The following NPSR1 variants were observed in gnomAD, a reference collection of about 807,000 sequenced individuals.
NPSR1 encodes the protein neuropeptide S receptor.
A neutral mutation model predicts 46.9 loss-of-function variants in NPSR1; 48 were observed. That is an observed-to-expected ratio of 1.02 (90% CI 0.81 to 1.30). NPSR1 has a LOEUF of 1.30. NPSR1 is among the 50% of genes most tolerant of loss of function. The probability of loss-of-function intolerance (pLI) is 0.00; values close to 1 mark genes in which losing one functional copy is unlikely to be tolerated. For synonymous variants in NPSR1, 176 were observed against 168.1 expected, an observed-to-expected ratio of 1.05 and a Z score of -0.36; for missense variants, 450 against 449.5, an observed-to-expected ratio of 1.00 and a Z score of -0.01.
intron 2 of NPSR1, among the ~76,000 whole-genome samples, chr7:34,743,775 G>T (rs1176294617): frequency 6.6e-6 from 1 of 152,078 alleles, no homozygotes; most frequent in Admixed American, 6.5e-5. Flanking sequence ...TTGGGCAACT[G>T]TTACTTAGAA....
intron 2 of NPSR1, among the ~76,000 whole-genome samples, chr7:34,752,785 A>G (rs1785606113): frequency 6.6e-6 from 1 of 152,136 alleles, no homozygotes; most frequent in Non-Finnish European, 1.5e-5. Context: ...CTTTGCACAC[A>G]CTGCTCTCTC....
At chr7:34,663,700 C>T (rs569543867) in intron 1 of NPSR1, among the ~76,000 whole-genome samples, 3 of 152,316 alleles carry the variant, frequency 2.0e-5, no homozygotes, top group East Asian at 3.9e-4. Context: ...ACTCTTCCAT[C>T]GCCCTCAGCG....
intron 8 of NPSR1, among the ~76,000 whole-genome samples, chr7:34,863,797 C>T (rs1341369695): frequency 1.3e-5 from 2 of 151,670 alleles, no homozygotes; most frequent in African/African-American, 2.4e-5. Context: ...TTAGTTCAAC[C>T]ATTGTGGAAG....
intron 8 of NPSR1, among the ~76,000 whole-genome samples, chr7:34,855,803 A>C (rs1294785466): frequency 6.6e-6 from 1 of 152,194 alleles, no homozygotes; most frequent in Non-Finnish European, 1.5e-5. Context: ...AAATATAACA[A>C]GGCTAACATA....
At chr7:34,810,610 T>C (rs1231395797) in intron 3 of NPSR1, among the ~76,000 whole-genome samples, 2 of 152,214 alleles carry the variant, frequency 1.3e-5, no homozygotes, top group Admixed American at 1.3e-4. Flanking sequence ...AACCCTTCTA[T>C]CATCTCTTGA....
At chr7:34,871,789 G>A (rs866312045) in intron 8 of NPSR1, among the ~76,000 whole-genome samples, 3 of 151,938 alleles carry the variant, frequency 2.0e-5, no homozygotes, top group Non-Finnish European at 4.4e-5. Context: ...CTGGTATGAT[G>A]GGTGGGCTCC....
At chr7:34,765,729 G>C (rs1316700643) in intron 2 of NPSR1, among the ~76,000 whole-genome samples, 7 of 152,200 alleles carry the variant, frequency 4.6e-5, no homozygotes, top group Admixed American at 4.6e-4. Flanking sequence ...TCGTAGAAAA[G>C]AATGAAATCA....
intron 8 of NPSR1, chr7:34,871,553 T>A (rs190862391): frequency 3.3e-5 from 5 of 151,880 alleles, no homozygotes; most frequent in African/African-American, 9.7e-5. Flanking sequence ...TCCAAAGTCA[T>A]CAGAGACTCA....
chr7:34,790,992 A>G (rs1282454853), intron 3 of NPSR1, among the ~76,000 whole-genome samples: 1 of 118,414 alleles, frequency 8.4e-6, no homozygotes, highest in East Asian at 2.4e-4. Context: ...TATATTATAT[A>G]TGTTATATGT....
At chr7:34,714,453 T>C (rs1274904728) in intron 2 of NPSR1, among the ~76,000 whole-genome samples, 1 of 152,180 alleles carries the variant, frequency 6.6e-6, no homozygotes. Flanking sequence ...GAAATCCCAG[T>C]GTAAAGCCTA....
intron 1 of NPSR1, among the ~76,000 whole-genome samples, chr7:34,680,418 A>G (rs1792568167): frequency 6.6e-6 from 1 of 152,182 alleles, no homozygotes; most frequent in Non-Finnish European, 1.5e-5. Context: ...AATATAAAAC[A>G]CTTAGGAATA....
At chr7:34,829,707 T>C (rs572366014) in intron 5 of NPSR1, among the ~76,000 whole-genome samples, 2 of 152,344 alleles carry the variant, frequency 1.3e-5, no homozygotes, top group East Asian at 3.9e-4. Flanking sequence ...GGCTGCTTTT[T>C]CCACCAGGAC....
chr7:34,841,149 T>C (rs1289526994), intron 6 of NPSR1, among the ~76,000 whole-genome samples: 2 of 152,214 alleles, frequency 1.3e-5, no homozygotes, highest in Non-Finnish European at 2.9e-5. Context: ...TTTTAAAATA[T>C]TGCCAGTTAG....
At chr7:34,743,862 T>G (rs890796792) in intron 2 of NPSR1, among the ~76,000 whole-genome samples, 14 of 152,186 alleles carry the variant, frequency 9.2e-5, no homozygotes, top group African/African-American at 3.4e-4. Flanking sequence ...TACTTTCCTG[T>G]ATGTTTTAGT....
At chr7:34,743,016 A>C (rs1314045205) in intron 2 of NPSR1, among the ~76,000 whole-genome samples, 1 of 152,106 alleles carries the variant, frequency 6.6e-6, no homozygotes, top group Admixed American at 6.5e-5. Flanking sequence ...TTCTCTTGTA[A>C]ATTTGTTTAA....
rs1452862088 is a variant in NPSR1 at position 34,700,361 on chromosome 7, G to C, written c.280+15677G>C. On this transcript the variant is annotated intron_variant, in intron 2 of 8. Coordinates refer to ENST00000360581, the MANE Select transcript of NPSR1 (RefSeq NM_207172.2). ...GCAGGGAAAGTCACTAGCAAACATGGCCACAATAATGGAAACTAAACTTTG... is the reference window on the plus strand; with the variant it reads ...GCAGGGAAAGTCACTAGCAAACATGCCCACAATAATGGAAACTAAACTTTG... Among the ~76,000 whole-genome samples, 7 of 152,286 alleles carry C rather than the reference G, an allele frequency of 4.6e-5. No individual in the cohort carries two copies. In the East Asian group the frequency reaches 1.2e-3, roughly 25 times the overall value.
intron 3 of NPSR1, among the ~76,000 whole-genome samples, chr7:34,786,227 A>G (rs1787460085): frequency 6.6e-6 from 1 of 152,144 alleles, no homozygotes; most frequent in African/African-American, 2.4e-5. Context: ...CATTTCAGCA[A>G]TGTTCACAGC....
intron 2 of NPSR1, among the ~76,000 whole-genome samples, chr7:34,686,475 A>G (rs953543725): frequency 6.6e-6 from 1 of 152,158 alleles, no homozygotes; most frequent in African/African-American, 2.4e-5. Flanking sequence ...GAGTATGCAT[A>G]TAGAAGTTAC....
chr7:34,761,329 A>C (rs1243472197), intron 2 of NPSR1: 1 of 152,174 alleles, frequency 6.6e-6, no homozygotes, highest in Non-Finnish European at 1.5e-5. Context: ...TTCTACTATA[A>C]CTTAGTCATT....
Sources: allele counts gnomAD v4.1 joint callset (sites outside exome capture counted in the v4.1 genomes callset), GRCh38; gene constraint gnomAD v4.1.1; transcripts MANE v1.5; gene names NCBI Gene and HGNC (gene_info 2026-07-23, HGNC 2026-07-21).